The following KAZN variants were observed in gnomAD, a reference collection of about 807,000 sequenced individuals.
KAZN encodes the protein kazrin.
KAZN carries 40 observed loss-of-function variants against 87.4 expected under a neutral mutation model. That is an observed-to-expected ratio of 0.46 (90% CI 0.36 to 0.60). KAZN has a LOEUF of 0.60. Ranked by LOEUF, KAZN falls within the 20% of genes least tolerant of loss-of-function variation. The pLI, the probability that KAZN is intolerant of heterozygous loss-of-function variation, is 0.00. For synonymous variants in KAZN, 466 were observed against 458.3 expected (o/e 1.02, Z -0.22); for missense variants, 898 against 1,073.9 (o/e 0.84, Z 2.29).
chr1:14,421,080 C>G (rs190873228), intron 2 of KAZN, among the ~76,000 whole-genome samples: 1 of 152,358 alleles, frequency 6.6e-6, no homozygotes, highest in East Asian at 1.9e-4. Context: ...ACGCTGCCCT[C>G]TCTCAGGAAT....
At chr1:14,178,045 C>T (rs1040909896) in intron 1 of KAZN, among the ~76,000 whole-genome samples, 2 of 151,996 alleles carry the variant, frequency 1.3e-5, no homozygotes, top group Admixed American at 1.3e-4. Flanking sequence ...GCGGTTACCT[C>T]CATGCTGTTC....
intron 2 of KAZN, among the ~76,000 whole-genome samples, chr1:14,304,957 T>A (rs866421354): frequency 0.033 from 4,992 of 150,124 alleles, 270 homozygotes; most frequent in African/African-American, 0.12. Context: ...TTTTTTTTTT[T>A]AATTTTAAAT....
chr1:14,855,421 C>A (rs1649976937), intron 1 of KAZN, among the ~76,000 whole-genome samples: 1 of 152,172 alleles, frequency 6.6e-6, no homozygotes, highest in African/African-American at 2.4e-5. Context: ...CACCACCCCA[C>A]CAACACACAT....
At chr1:14,032,447 C>G (rs1178338533) in intron 1 of KAZN, among the ~76,000 whole-genome samples, 1 of 152,180 alleles carries the variant, frequency 6.6e-6, no homozygotes, top group African/African-American at 2.4e-5. Context: ...CCCTTAACCA[C>G]TGTACCCTGC....
Position 14,147,038 on chromosome 1 carries a change from T to C in KAZN, c.92-33397T>C, listed in dbSNP as rs776923912. On this transcript the variant is annotated intron_variant, in intron 1 of 16. Coordinates refer to the KAZN transcript ENST00000636203. ...ACCTTTATGATGACCCATTTCCATT[T>C]AATGAATAGTAAATATATTTTCTTT... Among the ~76,000 whole-genome samples the C allele has an allele frequency of 3.3e-5, 5 of 152,230 alleles. No individual in the cohort carries two copies. In the South Asian group the frequency reaches 6.2e-4, roughly 19 times the overall value.
chr1:14,448,904 A>G (rs1421989448), intron 2 of KAZN, among the ~76,000 whole-genome samples: 3 of 152,184 alleles, frequency 2.0e-5, no homozygotes, highest in Non-Finnish European at 4.4e-5. Context: ...GAGTTTGAGA[A>G]CTGGAGGAAG....
intron 2 of KAZN, among the ~76,000 whole-genome samples, chr1:14,288,424 C>T (rs1049361684): frequency 5.9e-5 from 9 of 152,026 alleles, no homozygotes; most frequent in African/African-American, 1.2e-4. Context: ...TATGTGTCCA[C>T]GAATTTATCC....
chr1:14,831,900 A>C (rs1647059292), intron 1 of KAZN, among the ~76,000 whole-genome samples: 2 of 152,126 alleles, frequency 1.3e-5, no homozygotes, highest in Non-Finnish European at 2.9e-5. Flanking sequence ...GCATGAGCAA[A>C]AACAAGGGAA....
intron 1 of KAZN, among the ~76,000 whole-genome samples, chr1:14,829,447 A>G (rs999869678): frequency 1.3e-5 from 2 of 152,198 alleles, no homozygotes; most frequent in African/African-American, 2.4e-5. Flanking sequence ...GCACATGCCT[A>G]TAATCCCAGC....
At chr1:14,342,104 T>G (rs925429777) in intron 2 of KAZN, among the ~76,000 whole-genome samples, 3 of 152,204 alleles carry the variant, frequency 2.0e-5, no homozygotes, top group Admixed American at 6.5e-5. Context: ...ATTCCTGTGT[T>G]AGTTTGCTAA....
chr1:14,001,912 A>G (rs1225216634), intron 1 of KAZN, among the ~76,000 whole-genome samples: 1 of 152,250 alleles, frequency 6.6e-6, no homozygotes, highest in African/African-American at 2.4e-5. Flanking sequence ...AAGAAAACCT[A>G]GACAGTACCA....
intron 2 of KAZN, among the ~76,000 whole-genome samples, chr1:14,227,183 C>T (rs1269979175): frequency 1.3e-5 from 2 of 152,176 alleles, no homozygotes; most frequent in Non-Finnish European, 2.9e-5. Context: ...TCAGATTGTA[C>T]TGGCAACCTG....
chr1:14,630,630 T>G (rs1216643250), intron 1 of KAZN, among the ~76,000 whole-genome samples: 4 of 152,214 alleles, frequency 2.6e-5, no homozygotes, highest in Non-Finnish European at 5.9e-5. Flanking sequence ...CCATGCTTTG[T>G]AAGCCATAAA....
chr1:14,752,348 A>G (rs1644435964), intron 1 of KAZN, among the ~76,000 whole-genome samples: 1 of 152,234 alleles, frequency 6.6e-6, no homozygotes, highest in African/African-American at 2.4e-5. Context: ...CCTTCTGCGC[A>G]TAAGGAAACA....
intron 1 of KAZN, among the ~76,000 whole-genome samples, chr1:13,936,513 C>CTT (rs1215741306): frequency 2.0e-5 from 3 of 152,136 alleles, no homozygotes; most frequent in Non-Finnish European, 4.4e-5. Flanking sequence ...TTTTTCAACC[C>CTT]TTACCTCCCT....
At chr1:13,955,337 T>A (rs1467569359) in intron 1 of KAZN, among the ~76,000 whole-genome samples, 1 of 152,308 alleles carries the variant, frequency 6.6e-6, no homozygotes, top group South Asian at 2.1e-4. Context: ...TAAAAATACA[T>A]GTTTTTATTG....
intron 1 of KAZN, among the ~76,000 whole-genome samples, chr1:14,661,011 G>A (rs1639136526): frequency 6.6e-6 from 1 of 152,140 alleles, no homozygotes. Flanking sequence ...TGATTAAGAG[G>A]CCAGAGGAAA....
chr1:14,573,689 G>C (rs181125814), intron 2 of KAZN, among the ~76,000 whole-genome samples: 1 of 152,072 alleles, frequency 6.6e-6, no homozygotes, highest in African/African-American at 2.4e-5. Context: ...AAACCCCAAA[G>C]AAAATGAGTC....
chr1:14,366,414 A>T (rs1659999966), intron 2 of KAZN, among the ~76,000 whole-genome samples: 1 of 152,232 alleles, frequency 6.6e-6, no homozygotes, highest in South Asian at 2.1e-4. Flanking sequence ...TATATAGGAA[A>T]CTTGGAAGAT....
Sources: gnomAD v4.1 joint callset for allele counts (sites outside exome capture counted in the v4.1 genomes callset) on GRCh38, gnomAD v4.1.1 for gene constraint, MANE v1.5 for transcripts, NCBI Gene and HGNC (gene_info 2026-07-23, HGNC 2026-07-21) for gene names.